Variants in DRICH1 observed in about 807,000 individuals in gnomAD.
DRICH1 encodes the protein aspartate rich 1.
A neutral mutation model predicts 39.5 loss-of-function variants in DRICH1; 38 were observed. The ratio of observed to expected loss-of-function variants is 0.96; its 90% CI spans 0.74 to 1.26. DRICH1 has a LOEUF of 1.26. Ranked by LOEUF, DRICH1 falls within the 50% of genes most tolerant of loss-of-function variation. The pLI is 0.00. For missense variants in DRICH1, 279 were observed against 270.4 expected (o/e 1.03, Z -0.22); for synonymous variants, 84 against 99.5 (o/e 0.84, Z 0.93).
the DRICH1 span, among the ~76,000 whole-genome samples, chr22:23,601,305 A>G: frequency 3.3e-5 from 5 of 152,212 alleles, no homozygotes; most frequent in South Asian, 6.2e-4. Flanking sequence ...GGGATGAATT[A>G]CAACATTGTT....
chr22:23,582,569 T>TATTATTA, the DRICH1 span, among the ~76,000 whole-genome samples: 419 of 149,014 alleles, frequency 2.8e-3, 1 homozygote, highest in Non-Finnish European at 4.9e-3. Flanking sequence ...TTATTATTAT[T>TATTATTA]ATTATTATTA....
intron 2 of DRICH1, among the ~76,000 whole-genome samples, chr22:23,625,616 A>G (rs896257400): frequency 6.6e-5 from 10 of 152,194 alleles, no homozygotes; most frequent in African/African-American, 2.4e-4. Context: ...AAATACTTGA[A>G]GAGACCCTGA....
the DRICH1 span, among the ~76,000 whole-genome samples, chr22:23,589,383 C>G: frequency 7.9e-5 from 12 of 151,770 alleles, no homozygotes; most frequent in South Asian, 6.2e-4. Context: ...CCCAAGAGCT[C>G]GAGGCTGCAG....
intron 3 of DRICH1, 57 bp downstream of exon 3, chr22:23,624,826 A>G (rs1377703230): frequency 1.9e-6 from 3 of 1,568,032 alleles, no homozygotes; most frequent in African/African-American, 2.7e-5. Context: ...TAAGGTTTCT[A>G]TATATTAAAG....
chr22:23,605,359 T>C, downstream of DRICH1, among the ~76,000 whole-genome samples: 1 of 152,042 alleles, frequency 6.6e-6, no homozygotes, highest in African/African-American at 2.4e-5. Flanking sequence ...GGCTTAGGTT[T>C]CCTAGGGGTC....
the DRICH1 span, among the ~76,000 whole-genome samples, chr22:23,601,878 G>C: frequency 6.6e-6 from 1 of 152,254 alleles, no homozygotes; most frequent in South Asian, 2.1e-4. Flanking sequence ...TGGTTGCCGT[G>C]GTTGGGGTAC....
At chr22:23,617,165 G>A (rs1313024776) in intron 7 of DRICH1, among the ~76,000 whole-genome samples, 3 of 152,234 alleles carry the variant, frequency 2.0e-5, no homozygotes, top group African/African-American at 4.8e-5. Context: ...GATGGATGCT[G>A]TCATTTAAAA....
the DRICH1 span, among the ~76,000 whole-genome samples, chr22:23,588,916 C>T: frequency 1.3e-5 from 2 of 152,108 alleles, no homozygotes; most frequent in African/African-American, 4.8e-5. Flanking sequence ...CATTTCTGCA[C>T]ACTTCCTCTA....
At chr22:23,618,887 AATTTGTC>A (rs1197244079) in intron 6 of DRICH1, among the ~76,000 whole-genome samples, 4 of 152,056 alleles carry the variant, frequency 2.6e-5, no homozygotes, top group Non-Finnish European at 5.9e-5. Flanking sequence ...AGATATCACA[AATTTGTC>A]CAGGCGCGGT....
At chr22:23,608,872 C>A in intron 11 of DRICH1, 104 bp from the exon 12 acceptor site, 2 of 1,247,690 alleles carry the variant, frequency 1.6e-6, no homozygotes, top group South Asian at 1.3e-5. Flanking sequence ...CCTGGGCTCC[C>A]GCCTCTGCAG....
In DRICH1 at chr22:23,614,125, G is replaced by A; in HGVS notation, c.621+10C>T. On this transcript the variant is annotated intron_variant, in intron 9 of 11. Coordinates refer to ENST00000317749, the MANE Select transcript of DRICH1 (RefSeq NM_016449.4). ...CATTGCTGTAGAAGACAAAAAAAGG[G>A]AGGTCTTACGTGGATGTCATCATCA... 1 of 1,587,676 alleles carries A rather than the reference G, an allele frequency of 6.3e-7. No homozygotes were observed. The highest frequency in any genetic ancestry group is 8.6e-7 in the Non-Finnish European group (1 of 1,157,368).
Position 23,608,459 on chromosome 22 carries a change from A to C in DRICH1, c.*305T>G, listed in dbSNP as rs2298372. 2.2e-6 allele frequency: 1 copy of C among 463,268 alleles called. No individual in the cohort carries two copies. The highest frequency in any genetic ancestry group is 3.2e-5 in the Admixed American group (1 of 31,090). The allele number at this position is 463,268 out of a possible 1,614,324, so 28.7% of individuals were successfully genotyped here. A position where few individuals can be genotyped will look rare whatever the true frequency, so the allele number is the denominator to read the frequency against. ...GCCACCTCTGCACCTGAATAAATGC[A>C]CTCAGTCTCTTTATTTCAAGTGGGA... On this transcript the variant is annotated 3_prime_UTR_variant, in exon 12 of 12. Coordinates refer to ENST00000317749, the MANE Select transcript of DRICH1 (RefSeq NM_016449.4).
chr22:23,622,081 A>T lies in DRICH1; in HGVS notation c.384+10T>A. 6.2e-7 allele frequency: 1 copy of T among 1,608,912 alleles called. No homozygotes were observed. The highest frequency in any genetic ancestry group is 8.5e-7 in the Non-Finnish European group (1 of 1,176,982). On this transcript the variant is annotated intron_variant, in intron 4 of 11. Coordinates refer to ENST00000317749, the MANE Select transcript of DRICH1 (RefSeq NM_016449.4). ...ACATTTCCTTAGAAGACAAAGAAAG[A>T]TTGTCTTACCTGGGCATCATCATCA... is the stretch of plus-strand genomic sequence containing the variant.
chr22:23,625,602 A>G (rs1004570628), intron 2 of DRICH1, among the ~76,000 whole-genome samples: 2 of 152,140 alleles, frequency 1.3e-5, no homozygotes, highest in Non-Finnish European at 1.5e-5. Context: ...TTAGGTCATA[A>G]GTCAAATACT....
chr22:23,609,590 GAGCCCT>G (rs939549735), intron 11 of DRICH1, among the ~76,000 whole-genome samples: 4 of 152,082 alleles, frequency 2.6e-5, no homozygotes, highest in African/African-American at 4.8e-5. Context: ...TGTCAGCAGG[GAGCCCT>G]GGGCCTCTCT....
intron 7 of DRICH1, 79 bp from the exon 8 acceptor site, chr22:23,616,953 G>GATGACTTCACAAAACTATTTGTA: frequency 6.6e-7 from 1 of 1,524,326 alleles, no homozygotes; most frequent in Non-Finnish European, 9.1e-7. Context: ...TTAGTCTCTT[G>GATGACTTCACAAAACTATTTGTA]ATGACTTCAC....
At chr22:23,599,335 C>T in the DRICH1 span, among the ~76,000 whole-genome samples, 8 of 152,218 alleles carry the variant, frequency 5.3e-5, no homozygotes, top group Non-Finnish European at 8.8e-5. Context: ...CTATGCACCC[C>T]GCAGGGCCCT....
At chr22:23,601,146 G>GCGCACACACACACA in the DRICH1 span, among the ~76,000 whole-genome samples, 66 of 146,212 alleles carry the variant, frequency 4.5e-4, no homozygotes, top group African/African-American at 1.6e-3. Context: ...ACGCACGCGC[G>GCGCACACACACACA]CACACACACA....
intron 6 of DRICH1, among the ~76,000 whole-genome samples, chr22:23,618,256 G>A (rs1241166319): frequency 6.6e-6 from 1 of 151,550 alleles, no homozygotes; most frequent in East Asian, 1.9e-4. Flanking sequence ...TGGGACTACA[G>A]GCACCCACCA....
Sources: allele counts gnomAD v4.1 joint callset (sites outside exome capture counted in the v4.1 genomes callset), GRCh38; gene constraint gnomAD v4.1.1; transcripts MANE v1.5; gene names NCBI Gene and HGNC (gene_info 2026-07-23, HGNC 2026-07-21).